The following VAC14 variants were observed in gnomAD, a reference collection of about 807,000 sequenced individuals.
VAC14 encodes protein VAC14 homolog.
VAC14 carries 47 observed loss-of-function variants against 85.3 expected under a neutral mutation model. The observed-to-expected ratio is 0.55, with a 90% confidence interval of 0.44 to 0.70. The LOEUF is 0.70. Ranked by LOEUF, VAC14 falls within the 30% of genes least tolerant of loss-of-function variation. VAC14 has a pLI of 0.00. For synonymous variants in VAC14, 447 were observed against 430.5 expected (o/e 1.04, Z -0.47); for missense variants, 861 against 1,004.3 (o/e 0.86, Z 1.93).
intron 12 of VAC14, among the ~76,000 whole-genome samples, chr16:70,750,057 T>C (rs568124624): frequency 6.6e-6 from 1 of 152,316 alleles, no homozygotes; most frequent in Admixed American, 6.5e-5. Context: ...CCTTGGTGTA[T>C]AGGTAGAAAC....
intron 12 of VAC14, among the ~76,000 whole-genome samples, chr16:70,751,725 A>C (rs1358232456): frequency 6.6e-6 from 1 of 152,180 alleles, no homozygotes; most frequent in African/African-American, 2.4e-5. Flanking sequence ...TGGGGGAGCC[A>C]TGGGAAGGAC....
chr16:70,727,762 G>C (rs909926033), intron 14 of VAC14, among the ~76,000 whole-genome samples: 1 of 152,256 alleles, frequency 6.6e-6, no homozygotes, highest in Non-Finnish European at 1.5e-5. Flanking sequence ...CCCCACAGGA[G>C]CATGGGGAGG....
Position 70,739,934 on chromosome 16 carries a change from C to G in VAC14, c.1528+4489G>C, listed in dbSNP as rs138419116. ...AAAAACACCTTGGACCACTGAGCCC[C>G]GCAAGGTATACTGACATGAACAGTT... On this transcript the variant is annotated intron_variant, in intron 13 of 18. Transcript: ENST00000261776. 4.5e-3 allele frequency among the ~76,000 whole-genome samples: 683 copies of G among 152,232 alleles called. 8 individuals are homozygous for G. The highest frequency in any genetic ancestry group is 0.016 in the African/African-American group (654 of 41,550).
intron 1 of VAC14, among the ~76,000 whole-genome samples, chr16:70,791,771 T>C (rs1444702123): frequency 6.6e-6 from 1 of 152,104 alleles, no homozygotes; most frequent in East Asian, 1.9e-4. Context: ...GTTCAGAACT[T>C]TGAGTGCAGT....
chr16:70,773,238 G>A (rs541781592), intron 9 of VAC14: 1 of 152,260 alleles, frequency 6.6e-6, no homozygotes, highest in South Asian at 2.1e-4. Flanking sequence ...CTCAATAAAG[G>A]GCTTAAAAAA....
chr16:70,767,884 A>AATT (rs147141610), intron 10 of VAC14, among the ~76,000 whole-genome samples: 31 of 152,004 alleles, frequency 2.0e-4, no homozygotes, highest in Middle Eastern at 6.8e-3. Context: ...AGCTTTTAAA[A>AATT]ATTATTATTA....
chr16:70,712,322 T>C (rs1211137525), intron 14 of VAC14, among the ~76,000 whole-genome samples: 1 of 152,144 alleles, frequency 6.6e-6, no homozygotes, highest in Non-Finnish European at 1.5e-5. Context: ...GAACTTGCGC[T>C]GGTGGGCAAG....
At position 70,780,877 on chromosome 16, in the gene VAC14, C is replaced by T. The variant is rs369652478; in HGVS notation, c.1009G>A (p.Asp337Asn). 16 of 1,614,054 alleles carry T rather than the reference C, an allele frequency of 9.9e-6. No individual in the cohort carries two copies. The highest frequency in any genetic ancestry group is 2.5e-6 in the Non-Finnish European group (3 of 1,180,040). The change falls in exon 9 of 19, where the codon GAC becomes AAC. Residue 337 changes from aspartate to asparagine, a missense_variant. By Grantham distance (23) the Asp-to-Asn change is conservative (BLOSUM62 1). Transcript: ENST00000261776. ...CCAGGTCTCAGCTCATCCAGCTCGTCGTCCTCGGGGGTGACCAGCTTCATC... is the reference window on the plus strand; with the variant it reads ...CCAGGTCTCAGCTCATCCAGCTCGTTGTCCTCGGGGGTGACCAGCTTCATC... ...SLMKLVTPED[D>N]ELDELRPGQR...
intron 13 of VAC14, among the ~76,000 whole-genome samples, chr16:70,741,553 G>GT (rs2030311995): frequency 6.6e-6 from 1 of 152,212 alleles, no homozygotes; most frequent in Admixed American, 6.5e-5. Flanking sequence ...AGGCCCACAC[G>GT]TGAGTCTCAG....
In VAC14 at chr16:70,689,059, C is replaced by T. The variant is rs571783135; in HGVS notation, c.2187-969G>A. On this transcript the variant is annotated intron_variant, in intron 18 of 18. Transcript: ENST00000261776. The stretch of plus-strand genomic sequence containing the variant: ...TTCAAGTTTATGAAAAGATGCCAAT[C>T]GGCGGGGCCGGGAAGGGGGGTGCAG... 2.3e-4 allele frequency: 226 copies of T among 985,194 alleles called. No individual in the cohort carries two copies. The African/African-American group carries it at 3.6e-3, about 16-fold the overall frequency. The allele number at this position is 985,194 out of a possible 1,614,324, so 61.0% of individuals were successfully genotyped here. A position where few individuals can be genotyped will look rare whatever the true frequency, so the allele number is the denominator to read the frequency against.
At chr16:70,799,526 C>A (rs74024460) in intron 1 of VAC14, among the ~76,000 whole-genome samples, 1 of 152,148 alleles carries the variant, frequency 6.6e-6, no homozygotes, top group Non-Finnish European at 1.5e-5. Flanking sequence ...AGTTGTCAAC[C>A]GGGGCAATTT....
At chr16:70,771,312 A>C (rs9934593) in intron 10 of VAC14, 5 of 152,168 alleles carry the variant, frequency 3.3e-5, no homozygotes, top group Non-Finnish European at 7.3e-5. Flanking sequence ...CACAGGAGAC[A>C]ACAGCTCCTG....
At chr16:70,734,250 C>T (rs541066168) in intron 13 of VAC14, among the ~76,000 whole-genome samples, 5 of 152,038 alleles carry the variant, frequency 3.3e-5, no homozygotes, top group Non-Finnish European at 5.9e-5. Context: ...GCAATCCTCC[C>T]GCCTCAGCCT....
intron 14 of VAC14, among the ~76,000 whole-genome samples, chr16:70,722,948 G>T (rs574291109): frequency 6.6e-6 from 1 of 152,284 alleles, no homozygotes; most frequent in Admixed American, 6.5e-5. Flanking sequence ...AGGTGAGGTG[G>T]CTCATGACTG....
At chr16:70,717,758 C>A (rs780043049) in intron 14 of VAC14, among the ~76,000 whole-genome samples, 3 of 152,190 alleles carry the variant, frequency 2.0e-5, no homozygotes, top group African/African-American at 7.2e-5. Context: ...GCCTCCCTCT[C>A]GCCTCAGCCT....
intron 10 of VAC14, among the ~76,000 whole-genome samples, chr16:70,767,220 G>A (rs1378009955): frequency 6.6e-6 from 1 of 152,180 alleles, no homozygotes; most frequent in Admixed American, 6.5e-5. Flanking sequence ...ACTGAATAAT[G>A]CTTCTGATAT....
At chr16:70,779,078 A>G (rs932150689) in intron 9 of VAC14, 1 of 152,236 alleles carries the variant, frequency 6.6e-6, no homozygotes, top group African/African-American at 2.4e-5. Flanking sequence ...CCCGCGTGGC[A>G]GGCGAGAATT....
chr16:70,694,599 C>G (rs77720942), intron 17 of VAC14, among the ~76,000 whole-genome samples: 3,648 of 152,298 alleles, frequency 0.024, 159 homozygotes, highest in African/African-American at 0.082. Flanking sequence ...GGGTCAGAGA[C>G]GCTGCCAGAG....
At chr16:70,741,892 C>T (rs1597917715) in intron 13 of VAC14, among the ~76,000 whole-genome samples, 2 of 152,280 alleles carry the variant, frequency 1.3e-5, no homozygotes, top group South Asian at 2.1e-4. Context: ...CTGGCCCTGC[C>T]GCCCAAGCAG....
Sources: allele counts gnomAD v4.1 joint callset (sites outside exome capture counted in the v4.1 genomes callset), GRCh38; gene constraint gnomAD v4.1.1; transcripts MANE v1.5; gene names NCBI Gene and HGNC (gene_info 2026-07-23, HGNC 2026-07-21).